Variants in SKAP2 observed in about 807,000 individuals in gnomAD.
SKAP2 encodes the protein src kinase associated phosphoprotein 2, also known as src kinase-associated phosphoprotein 2.
Under a neutral mutation model 54.9 loss-of-function variants are expected in SKAP2, and 28 were observed. That is an observed-to-expected ratio of 0.51 (90% confidence interval 0.38 to 0.70). The LOEUF is 0.70. Among genes scored for constraint, SKAP2 ranks in the 30% least tolerant of loss-of-function variants. SKAP2 has a pLI of 0.00. For missense variants in SKAP2, 356 were observed against 424.1 expected (o/e 0.84, Z 1.41); for synonymous variants, 137 against 134.3 (o/e 1.02, Z -0.14).
chr7:26,726,107 G>A, intron 7 of SKAP2, 121 bp from the exon 8 acceptor site: 1 of 629,684 alleles, frequency 1.6e-6, no homozygotes, highest in Non-Finnish European at 2.7e-6. Context: ...AACTTTTCTT[G>A]CAAGGATGCT....
At chr7:26,841,014 A>G (rs1784806312) in intron 4 of SKAP2, among the ~76,000 whole-genome samples, 1 of 152,090 alleles carries the variant, frequency 6.6e-6, no homozygotes, top group African/African-American at 2.4e-5. Flanking sequence ...GTCACCATCT[A>G]TGTTACAATT....
At chr7:26,675,373 C>T (rs907832198) in intron 11 of SKAP2, among the ~76,000 whole-genome samples, 3 of 152,186 alleles carry the variant, frequency 2.0e-5, no homozygotes, top group Admixed American at 6.5e-5. Context: ...TAAGACCTGA[C>T]TCAGCTGTCA....
chr7:26,679,025 C>T (rs1241765897), intron 11 of SKAP2, among the ~76,000 whole-genome samples: 1 of 152,172 alleles, frequency 6.6e-6, no homozygotes, highest in African/African-American at 2.4e-5. Flanking sequence ...TAGTGCTTTT[C>T]TTTAAGGTTT....
intron 3 of SKAP2, among the ~76,000 whole-genome samples, chr7:26,845,227 G>T (rs1318489914): frequency 6.6e-6 from 1 of 152,128 alleles, no homozygotes; most frequent in Non-Finnish European, 1.5e-5. Context: ...AATGCTACTT[G>T]TCTCTCCAAA....
At chr7:26,743,830 C>G (rs1402215141) in intron 4 of SKAP2, among the ~76,000 whole-genome samples, 2 of 152,228 alleles carry the variant, frequency 1.3e-5, no homozygotes, top group Middle Eastern at 3.4e-3. Context: ...TTCAAATAAA[C>G]AAGTATCAAG....
intron 9 of SKAP2, among the ~76,000 whole-genome samples, chr7:26,724,304 C>G (rs971570951): frequency 6.6e-5 from 10 of 152,264 alleles, no homozygotes; most frequent in South Asian, 6.2e-4. Context: ...ATTGTGGGAT[C>G]AAGCACTATG....
At chr7:26,783,092 G>A (rs984011728) in intron 4 of SKAP2, among the ~76,000 whole-genome samples, 10 of 152,006 alleles carry the variant, frequency 6.6e-5, no homozygotes, top group Non-Finnish European at 1.2e-4. Flanking sequence ...ACTGTCACTC[G>A]CATGTCCCCA....
chr7:26,800,892 C>T (rs1424550741), intron 4 of SKAP2, among the ~76,000 whole-genome samples: 2 of 152,106 alleles, frequency 1.3e-5, no homozygotes, highest in Admixed American at 6.6e-5. Flanking sequence ...GACCTGATGG[C>T]TTCACTGCTG....
At chr7:26,815,396 C>A (rs1000952978) in intron 4 of SKAP2, among the ~76,000 whole-genome samples, 5 of 152,088 alleles carry the variant, frequency 3.3e-5, no homozygotes, top group Non-Finnish European at 5.9e-5. Flanking sequence ...TAGGTGCATT[C>A]TACTTTTTTC....
intron 4 of SKAP2, among the ~76,000 whole-genome samples, chr7:26,790,116 A>C (rs942374800): frequency 4.6e-5 from 7 of 152,200 alleles, no homozygotes; most frequent in South Asian, 4.1e-4. Context: ...CTAACTGTTC[A>C]TTCTATAGTT....
intron 4 of SKAP2, among the ~76,000 whole-genome samples, chr7:26,840,039 A>C (rs1784788768): frequency 6.6e-6 from 1 of 152,046 alleles, no homozygotes. Flanking sequence ...CCTTTTTCTT[A>C]ATCCCTGAGA....
chr7:26,768,429 T>C (rs1783112684), intron 4 of SKAP2, among the ~76,000 whole-genome samples: 1 of 152,206 alleles, frequency 6.6e-6, no homozygotes, highest in South Asian at 2.1e-4. Context: ...CAGGTCTGTG[T>C]CTTTTATTTG....
At chr7:26,781,332 A>T (rs1048943844) in intron 4 of SKAP2, among the ~76,000 whole-genome samples, 1 of 152,122 alleles carries the variant, frequency 6.6e-6, no homozygotes, top group Non-Finnish European at 1.5e-5. Context: ...TAAAAAAATG[A>T]AGTCTTTCTG....
At chr7:26,829,904 T>C (rs1330872055) in intron 4 of SKAP2, among the ~76,000 whole-genome samples, 2 of 152,178 alleles carry the variant, frequency 1.3e-5, no homozygotes, top group Non-Finnish European at 1.5e-5. Context: ...CCTAGGTATA[T>C]ACTCAAGAAA....
chr7:26,672,265 A>G (rs1297623060), intron 11 of SKAP2, among the ~76,000 whole-genome samples: 1 of 152,082 alleles, frequency 6.6e-6, no homozygotes, highest in Non-Finnish European at 1.5e-5. Flanking sequence ...AAGGCATGTT[A>G]TCATTTTCAA....
intron 4 of SKAP2, among the ~76,000 whole-genome samples, chr7:26,742,927 A>G (rs1782484634): frequency 6.6e-6 from 1 of 152,318 alleles, no homozygotes. Flanking sequence ...TTTAGACCTC[A>G]TATCACTATA....
intron 4 of SKAP2, among the ~76,000 whole-genome samples, chr7:26,792,580 C>T (rs1022822852): frequency 1.1e-4 from 16 of 152,054 alleles, no homozygotes; most frequent in Admixed American, 8.5e-4. Flanking sequence ...AAATGGAAAA[C>T]TATGAAACAT....
chr7:26,787,800 C>T (rs535602641), intron 4 of SKAP2, among the ~76,000 whole-genome samples: 2 of 152,282 alleles, frequency 1.3e-5, no homozygotes, highest in East Asian at 1.9e-4. Flanking sequence ...GAGGGATCTG[C>T]CCGCATGACC....
chr7:26,849,028 G>A (rs1360987780), intron 3 of SKAP2, among the ~76,000 whole-genome samples: 1 of 152,160 alleles, frequency 6.6e-6, no homozygotes, highest in African/African-American at 2.4e-5. Context: ...CAATGGTGGG[G>A]GTAGGTGGTC....
Sources: allele counts gnomAD v4.1 joint callset (sites outside exome capture counted in the v4.1 genomes callset), GRCh38; gene constraint gnomAD v4.1.1; transcripts MANE v1.5; gene names NCBI Gene and HGNC (gene_info 2026-07-23, HGNC 2026-07-21).